The following PITPNC1 variants were observed in gnomAD, a reference collection of about 807,000 sequenced individuals.
The protein encoded by PITPNC1 is phosphatidylinositol transfer protein cytoplasmic 1.
A neutral mutation model predicts 44.7 loss-of-function variants in PITPNC1; 18 were observed. That is an observed-to-expected ratio of 0.40 (90% CI 0.28 to 0.60). The LOEUF (loss-of-function observed/expected upper bound fraction) is 0.60, where lower values mean the gene tolerates loss of function less well. Among genes scored for constraint, PITPNC1 ranks in the 20% least tolerant of loss-of-function variants. PITPNC1 has a pLI of 0.39. For missense variants in PITPNC1, 290 were observed against 418.4 expected (o/e 0.69, Z 2.68); for synonymous variants, 141 against 149.6 (o/e 0.94, Z 0.42).
chr17:67,589,052 G>A (rs1225996577), intron 5 of PITPNC1, among the ~76,000 whole-genome samples: 1 of 152,172 alleles, frequency 6.6e-6, no homozygotes, highest in Admixed American at 6.5e-5. Flanking sequence ...TTTGCAGTTT[G>A]GAAGGATTAT....
intron 6 of PITPNC1, among the ~76,000 whole-genome samples, chr17:67,654,062 G>C (rs2042237486): frequency 6.6e-6 from 1 of 152,202 alleles, no homozygotes; most frequent in Admixed American, 6.5e-5. Flanking sequence ...AGCGGCCCAT[G>C]ACAGGGACAA....
At chr17:67,517,695 C>T (rs911612217) in intron 1 of PITPNC1, among the ~76,000 whole-genome samples, 3 of 152,220 alleles carry the variant, frequency 2.0e-5, no homozygotes, top group Non-Finnish European at 4.4e-5. Context: ...TATGAATGTT[C>T]AGAATGGCCA....
chr17:67,436,982 C>T (rs189978650), intron 1 of PITPNC1, among the ~76,000 whole-genome samples: 12 of 123,436 alleles, frequency 9.7e-5, no homozygotes, highest in Admixed American at 8.7e-4. Context: ...TACAGTGGTG[C>T]GATCACAGTT....
At chr17:67,529,637 T>C (rs1001142075) in intron 1 of PITPNC1, among the ~76,000 whole-genome samples, 8 of 152,116 alleles carry the variant, frequency 5.3e-5, no homozygotes, top group Admixed American at 2.0e-4. Context: ...TGCCACAAAC[T>C]GGGTGGCTTC....
intron 1 of PITPNC1, among the ~76,000 whole-genome samples, chr17:67,398,985 TCGTGTAGTTG>T (rs2038263777): frequency 6.6e-6 from 1 of 151,068 alleles, no homozygotes; most frequent in Non-Finnish European, 1.5e-5. Context: ...CGGCAACTTC[TCGTGTAGTTG>T]TAAGAGGATC....
chr17:67,568,373 G>A (rs1338417702), intron 4 of PITPNC1, among the ~76,000 whole-genome samples: 1 of 152,072 alleles, frequency 6.6e-6, no homozygotes, highest in Non-Finnish European at 1.5e-5. Flanking sequence ...GACTGCTGAT[G>A]GATACAGGGC....
At chr17:67,473,737 C>A (rs188908012) in intron 1 of PITPNC1, among the ~76,000 whole-genome samples, 64 of 152,302 alleles carry the variant, frequency 4.2e-4, no homozygotes, top group Non-Finnish European at 6.5e-4. Flanking sequence ...TGCCACCTCA[C>A]CTGGCTAATA....
At chr17:67,640,125 GAGTAACGC>G (rs2042076781) in intron 6 of PITPNC1, among the ~76,000 whole-genome samples, 1 of 151,720 alleles carries the variant, frequency 6.6e-6, no homozygotes, top group South Asian at 2.1e-4. Context: ...TTCTTTCTGA[GAGTAACGC>G]AGCTGTTTTG....
intron 2 of PITPNC1, among the ~76,000 whole-genome samples, chr17:67,550,583 C>T (rs1182521356): frequency 6.6e-6 from 1 of 151,896 alleles, no homozygotes; most frequent in African/African-American, 2.4e-5. Context: ...AATTCAAAAC[C>T]GCTTCTTGAT....
At chr17:67,493,882 G>A (rs1382470108) in intron 1 of PITPNC1, among the ~76,000 whole-genome samples, 1 of 152,206 alleles carries the variant, frequency 6.6e-6, no homozygotes, top group Non-Finnish European at 1.5e-5. Context: ...GACACCCACA[G>A]TTAACCACTG....
At chr17:67,471,563 C>T in intron 1 of PITPNC1, 1 of 384,012 alleles carries the variant, frequency 2.6e-6, no homozygotes, top group Non-Finnish European at 5.0e-6. Flanking sequence ...ATTACTTTTG[C>T]ACCAACCTAA....
intron 1 of PITPNC1, among the ~76,000 whole-genome samples, chr17:67,509,575 T>A (rs1247839754): frequency 5.4e-5 from 8 of 149,338 alleles, no homozygotes; most frequent in African/African-American, 2.0e-4. Context: ...AATAAATAAA[T>A]AAATAAATAA....
At chr17:67,606,156 C>T (rs1016665010) in intron 5 of PITPNC1, among the ~76,000 whole-genome samples, 7 of 151,854 alleles carry the variant, frequency 4.6e-5, no homozygotes, top group Non-Finnish European at 7.4e-5. Context: ...GGGTGATAAG[C>T]GAGGGAATTA....
chr17:67,425,933 C>T (rs1186934246), intron 1 of PITPNC1, among the ~76,000 whole-genome samples: 5 of 152,162 alleles, frequency 3.3e-5, no homozygotes, highest in Admixed American at 1.3e-4. Flanking sequence ...CAAAAGCAAC[C>T]ATAGACAATA....
intron 5 of PITPNC1, among the ~76,000 whole-genome samples, chr17:67,627,910 T>G (rs2041914848): frequency 6.6e-6 from 1 of 151,934 alleles, no homozygotes; most frequent in Non-Finnish European, 1.5e-5. Context: ...ATTCTTTTCT[T>G]TTTCTTCTTC....
At chr17:67,626,438 C>T (rs542514335) in intron 5 of PITPNC1, among the ~76,000 whole-genome samples, 72 of 152,274 alleles carry the variant, frequency 4.7e-4, no homozygotes, top group African/African-American at 1.6e-3. Context: ...TGGTGTATCT[C>T]AGCTCACTGC....
At chr17:67,658,971 A>G (rs1024128556) in intron 6 of PITPNC1, among the ~76,000 whole-genome samples, 1 of 152,154 alleles carries the variant, frequency 6.6e-6, no homozygotes, top group African/African-American at 2.4e-5. Flanking sequence ...CAAAAGACAG[A>G]TGGGGAAAGA....
At chr17:67,480,039 G>A (rs2039682058) in intron 1 of PITPNC1, among the ~76,000 whole-genome samples, 1 of 152,192 alleles carries the variant, frequency 6.6e-6, no homozygotes, top group Non-Finnish European at 1.5e-5. Context: ...TGTAGATCAA[G>A]GTTTGTCAGC....
intron 1 of PITPNC1, among the ~76,000 whole-genome samples, chr17:67,390,994 G>A (rs536695278): frequency 2.0e-5 from 3 of 151,968 alleles, no homozygotes; most frequent in East Asian, 3.9e-4. Context: ...AGTGGAAGTC[G>A]ACTCATGTAT....
Sources: gnomAD v4.1 joint callset for allele counts (sites outside exome capture counted in the v4.1 genomes callset) on GRCh38, gnomAD v4.1.1 for gene constraint, MANE v1.5 for transcripts, NCBI Gene and HGNC (gene_info 2026-07-23, HGNC 2026-07-21) for gene names.